HES4: variants seen among roughly 807,000 people sequenced by gnomAD.
HES4 encodes hes family bHLH transcription factor 4, also known as transcription factor HES-4.
HES4 carries 17 observed loss-of-function variants against 10.7 expected under a neutral mutation model. The observed-to-expected ratio is 1.59, with a 90% confidence interval of 1.09 to 2.38. The LOEUF (loss-of-function observed/expected upper bound fraction) is 2.38, where lower values mean the gene tolerates loss of function less well. Ranked by LOEUF, HES4 falls within the 30% of genes most tolerant of loss-of-function variation. The pLI is 0.00. For synonymous variants in HES4, 189 were observed against 159.7 expected (o/e 1.18, Z -1.38); for missense variants, 389 against 332.1 (o/e 1.17, Z -1.33).
At position 999,963 on chromosome 1, in the gene HES4, T is replaced by C; in HGVS notation, c.11A>G (p.Asp4Gly). The C allele has an allele frequency of 5.5e-6, 8 of 1,445,016 alleles. No individual in the cohort carries two copies. The highest frequency in any genetic ancestry group is 7.2e-6 in the Non-Finnish European group (8 of 1,109,424). 89.5% of individuals were successfully genotyped at this position (1,445,016 alleles called of 1,614,324 possible). The change falls in exon 1 of 4, where the codon GAC (aspartate) becomes GGC (glycine). Residue 4 changes from aspartate (D) to glycine (G), a missense_variant. Asp to Gly is a moderately conservative substitution (Grantham distance 94). Coordinates refer to ENST00000304952, the MANE Select transcript of HES4 (RefSeq NM_021170.4). MAA[D>G]TPGKPSASPM... ...CGAGGCGCTCGGTTTCCCCGGCGTG[T>C]CTGCGGCCATGGTGCGCCCCGCGCC...
chr1:999,494 C>T (rs1473628783), intron 3 of HES4, 32 bp downstream of exon 3: 3 of 1,565,210 alleles, frequency 1.9e-6, no homozygotes, highest in Non-Finnish European at 2.6e-6. Context: ...CGCCCTCCCC[C>T]CGCCTCCAAG....
At position 999,060 on chromosome 1, in the gene HES4, C is replaced by G; in HGVS notation, c.665G>C (p.Ter222SerextTer?). The stretch of plus-strand genomic sequence containing the variant: ...CGATGCAGTCTCAGGGCCACAGCCT[C>G]AGCGCAGCCACGGCCTCCAGGGCCC... ...PGGPWRPWLR* is the reference protein window; with the variant it reads ...PGGPWRPWLRS Residue 222 changes from the stop codon to serine, a stop_lost, in exon 4 of 4, where the codon TGA (stop) becomes TCA (serine). Transcript: ENST00000304952. 6.3e-6 allele frequency: 8 copies of G among 1,263,006 alleles called. No individual in the cohort carries two copies. Among genetic ancestry groups the G allele is most frequent in the Non-Finnish European group, 8.0e-6 (8 of 1,002,642 alleles). 78.2% of individuals were successfully genotyped at this position (1,263,006 alleles called of 1,614,324 possible). A position where few individuals can be genotyped will look rare whatever the true frequency, so the allele number is the denominator to read the frequency against.
chr1:999,614 C>G lies in HES4; in HGVS notation c.205-1G>C. On this transcript the variant is annotated splice_acceptor_variant, in intron 2 of 3. Coordinates refer to ENST00000304952, the MANE Select transcript of HES4 (RefSeq NM_021170.4). LOFTEE classifies it high-confidence loss of function. ...TCTCCAGCTTCGAGTGGCGGGAGCTCTGGGGGCGGGGATAGGCGGGAGGTC... is the reference window on the plus strand; with the variant it reads ...TCTCCAGCTTCGAGTGGCGGGAGCTGTGGGGGCGGGGATAGGCGGGAGGTC... 5.0e-6 allele frequency: 8 copies of G among 1,606,884 alleles called. No homozygotes were observed. The highest frequency in any genetic ancestry group is 6.8e-6 in the Non-Finnish European group (8 of 1,177,574).
Position 999,434 on chromosome 1 carries a change from T to C in HES4, c.293-2A>G, listed in dbSNP as rs1290462569. Reference sequence around the variant, plus strand: ...CGGCGGGGTCGGCGCTGAGCGCGGCTGCGGGAGCGACACAGGAGGAGAGGT... The same window carrying C: ...CGGCGGGGTCGGCGCTGAGCGCGGCCGCGGGAGCGACACAGGAGGAGAGGT... On this transcript the variant is annotated splice_acceptor_variant, in intron 3 of 3. Transcript: ENST00000304952. LOFTEE classifies it high-confidence loss of function. 5.3e-6 allele frequency: 8 copies of C among 1,512,684 alleles called. No homozygotes were observed. Among genetic ancestry groups the C allele is most frequent in the Non-Finnish European group, 6.1e-6 (7 of 1,145,320 alleles). The allele number at this position is 1,512,684 out of a possible 1,614,324, so 93.7% of individuals were successfully genotyped here. A position where few individuals can be genotyped will look rare whatever the true frequency, so the allele number is the denominator to read the frequency against.
rs972445502 is a variant in HES4 at position 999,111 on chromosome 1, G to A, written c.614C>T (p.Pro205Leu). ...ACCCGGGCCCTGCGGCCCCGCCCTG[G>A]GGGCGGCGGGCAGCGCCCGGGTCAG... The part of the protein sequence containing the change: ...PGLTRALPAA[P>L]RAGPQGPGGP... Residue 205 changes from proline (P) to leucine (L), a missense_variant, in exon 4 of 4, where the codon CCC becomes CTC. Physicochemically the swap from Pro to Leu is moderately conservative, Grantham distance 98. Transcript: ENST00000304952. The A allele has an allele frequency of 1.3e-5, 16 of 1,216,320 alleles. No homozygotes were observed. The highest frequency in any genetic ancestry group is 1.6e-5 in the African/African-American group (1 of 63,574). 75.3% of individuals were successfully genotyped at this position (1,216,320 alleles called of 1,614,324 possible). A position where few individuals can be genotyped will look rare whatever the true frequency, so the allele number is the denominator to read the frequency against.
rs1024490985 is a variant in HES4 at position 999,243 on chromosome 1, G to A, written c.482C>T (p.Pro161Leu). The change falls in exon 4 of 4, where the codon CCG becomes CTG. Residue 161 changes from proline to leucine, a missense_variant. Coordinates refer to ENST00000304952, the MANE Select transcript of HES4 (RefSeq NM_021170.4). Reference protein sequence around the residue: ...GPSRRPASLSPAAPAEAPAPE... With the variant: ...GPSRRPASLSLAAPAEAPAPE... Reference sequence around the variant, plus strand: ...CGCTGGGGCCTCTGCGGGGGCAGCCGGGGACAGCGAGGCCGGGCGGCGGGA... The same window carrying A: ...CGCTGGGGCCTCTGCGGGGGCAGCCAGGGACAGCGAGGCCGGGCGGCGGGA... 8 of 1,373,152 alleles carry A rather than the reference G, an allele frequency of 5.8e-6. No homozygotes were observed. The highest frequency in any genetic ancestry group is 6.6e-6 in the Non-Finnish European group (7 of 1,068,610). The allele number at this position is 1,373,152 out of a possible 1,614,324, so 85.1% of individuals were successfully genotyped here.
In HES4 at chr1:999,532, C is replaced by CGTCG; in HGVS notation, c.285_286insCGAC (p.Val96ArgfsTer133). The CGTCG allele has an allele frequency of 1.3e-6, 2 of 1,599,858 alleles. No individual in the cohort carries two copies. Among genetic ancestry groups the CGTCG allele is most frequent in the East Asian group, 4.6e-5 (2 of 43,906 alleles). ...GCCGCCGCCCGCGCCTCACCCGTCA[C>CGTCG]CTGCACGCGACGCAGGCTCCGCAGG... On this transcript the variant is annotated frameshift_variant, in exon 3 of 4. Transcript: ENST00000304952. LOFTEE classifies it low-confidence loss of function (END_TRUNC).
rs754902779 is a variant in HES4 at position 1,000,006 on chromosome 1, G to C, written c.-33C>G. The C allele has an allele frequency of 3.0e-6, 4 of 1,338,718 alleles. No homozygotes were observed. Among genetic ancestry groups the C allele is most frequent in the South Asian group, 1.9e-5 (1 of 53,864 alleles). 82.9% of individuals were successfully genotyped at this position (1,338,718 alleles called of 1,614,324 possible). On this transcript the variant is annotated 5_prime_UTR_variant, in exon 1 of 4. Coordinates refer to ENST00000304952, the MANE Select transcript of HES4 (RefSeq NM_021170.4). ...CCCGCGCCTCCCCGTGCCGGGTGGA[G>C]CGCGCCGCCACGGACCACGGGCGGG...
intron 3 of HES4, 21 bp downstream of exon 3, chr1:999,505 C>A: frequency 1.3e-6 from 2 of 1,568,288 alleles, no homozygotes; most frequent in South Asian, 1.2e-5. Context: ...CGCCTCCAAG[C>A]CGCCGCCGCC....
In HES4 at chr1:1,000,017, C is replaced by A; in HGVS notation, c.-44G>T. On this transcript the variant is annotated 5_prime_UTR_variant, in exon 1 of 4. Transcript: ENST00000304952. ...CCGTGCCGGGTGGAGCGCGCCGCCACGGACCACGGGCGGGCTGGCGGGCGA... is the reference window on the plus strand; with the variant it reads ...CCGTGCCGGGTGGAGCGCGCCGCCAAGGACCACGGGCGGGCTGGCGGGCGA... 2 of 1,305,438 alleles carry A rather than the reference C, an allele frequency of 1.5e-6. No homozygotes were observed. The highest frequency in any genetic ancestry group is 2.9e-4 in the Middle Eastern group (1 of 3,432). 80.9% of individuals were successfully genotyped at this position (1,305,438 alleles called of 1,614,324 possible). A position where few individuals can be genotyped will look rare whatever the true frequency, so the allele number is the denominator to read the frequency against.
chr1:999,057 C>A lies in HES4; in HGVS notation c.*2G>T. The stretch of plus-strand genomic sequence containing the variant: ...CTCCGATGCAGTCTCAGGGCCACAG[C>A]CTCAGCGCAGCCACGGCCTCCAGGG... On this transcript the variant is annotated 3_prime_UTR_variant, in exon 4 of 4. Transcript: ENST00000304952. 1 of 1,264,882 alleles carries A rather than the reference C, an allele frequency of 7.9e-7. No individual in the cohort carries two copies. The highest frequency in any genetic ancestry group is 1.0e-6 in the Non-Finnish European group (1 of 1,003,488). The allele number at this position is 1,264,882 out of a possible 1,614,324, so 78.4% of individuals were successfully genotyped here. A position where few individuals can be genotyped will look rare whatever the true frequency, so the allele number is the denominator to read the frequency against.
chr1:999,536 C>G lies in HES4; in HGVS notation c.282G>C (p.Val94=). Residue 94 remains valine, a synonymous_variant, in exon 3 of 4, where the codon GTG becomes GTC. Coordinates refer to ENST00000304952, the MANE Select transcript of HES4 (RefSeq NM_021170.4). The part of the protein sequence containing the change: ...TVRHLRSLRR[V]QVTAALSADP... The stretch of plus-strand genomic sequence containing the variant: ...CCGCCCGCGCCTCACCCGTCACCTG[C>G]ACGCGACGCAGGCTCCGCAGGTGTC... 1 of 1,600,716 alleles carries G rather than the reference C, an allele frequency of 6.2e-7. No individual in the cohort carries two copies. The highest frequency in any genetic ancestry group is 8.5e-7 in the Non-Finnish European group (1 of 1,175,114).
intron 2 of HES4, 30 bp downstream of exon 2, chr1:999,662 C>T: frequency 1.2e-6 from 2 of 1,611,326 alleles, no homozygotes; most frequent in Non-Finnish European, 1.7e-6. Flanking sequence ...GACCCAGACT[C>T]CGGGTCTCGG....
rs570840624 is a variant in HES4, at chr1:999,849, C to T, written c.108+17G>A. 26 of 1,580,890 alleles carry T rather than the reference C, an allele frequency of 1.6e-5. No homozygotes were observed. In the African/African-American group the frequency reaches 2.2e-4, roughly 13 times the overall value. On this transcript the variant is annotated intron_variant, in intron 1 of 3. Coordinates refer to ENST00000304952, the MANE Select transcript of HES4 (RefSeq NM_021170.4). ...CCGCCCCCCGGTCGCCCCCCTCACGCCCGGCCGGGACCCCACCTTGCGGTG... is the reference window on the plus strand; with the variant it reads ...CCGCCCCCCGGTCGCCCCCCTCACGTCCGGCCGGGACCCCACCTTGCGGTG...
At position 999,926 on chromosome 1, in the gene HES4, T is replaced by C. The variant is rs1235660661; in HGVS notation, c.48A>G (p.Gly16=). 3.4e-6 allele frequency: 5 copies of C among 1,463,412 alleles called. No homozygotes were observed. The highest frequency in any genetic ancestry group is 4.5e-6 in the Non-Finnish European group (5 of 1,117,340). The allele number at this position is 1,463,412 out of a possible 1,614,324, so 90.7% of individuals were successfully genotyped here. ...PGKPSASPMA[G]APASASRTPD... ...GGGTCCGGCTGGCGCTGGCCGGCGCTCCTGCCATCGGCGAGGCGCTCGGTT... is the reference window on the plus strand; with the variant it reads ...GGGTCCGGCTGGCGCTGGCCGGCGCCCCTGCCATCGGCGAGGCGCTCGGTT... Residue 16 remains glycine, a synonymous_variant, in exon 1 of 4, where the codon GGA becomes GGG. Transcript: ENST00000304952.
chr1:999,745 T>C lies in HES4; in HGVS notation c.151A>G (p.Asn51Asp). 2 of 1,611,768 alleles carry C rather than the reference T, an allele frequency of 1.2e-6. No individual in the cohort carries two copies. The highest frequency in any genetic ancestry group is 1.7e-6 in the Non-Finnish European group (2 of 1,179,452). ...GTTTTGAGCTGAGCGAGGCTCTCGT[T>C]AATACGCGCTCGGCGCCGCTTCTCC... ...VMEKRRRARI[N>D]ESLAQLKTLI... Residue 51 changes from asparagine to aspartate, a missense_variant, in exon 2 of 4, where the codon AAC becomes GAC. Coordinates refer to ENST00000304952, the MANE Select transcript of HES4 (RefSeq NM_021170.4).
In HES4 at chr1:999,720, G is replaced by A. The variant is rs140184340; in HGVS notation, c.176C>T (p.Thr59Ile). Residue 59 changes from threonine to isoleucine, a missense_variant, in exon 2 of 4, where the codon ACC (threonine) becomes ATC (isoleucine). Transcript: ENST00000304952. ...RINESLAQLK[T>I]LILDALRKES... ...TTTTCTGAGGGCGTCCAGGATGAGG[G>A]TTTTGAGCTGAGCGAGGCTCTCGTT... 1.4e-4 allele frequency: 227 copies of A among 1,611,624 alleles called. No individual in the cohort carries two copies. The highest frequency in any genetic ancestry group is 1.8e-4 in the Non-Finnish European group (215 of 1,179,440).
intron 1 of HES4, 23 bp from the exon 2 acceptor site, chr1:999,810 G>A: frequency 6.2e-7 from 1 of 1,607,582 alleles, no homozygotes; most frequent in Non-Finnish European, 8.5e-7. Context: ...CACCGGCTGA[G>A]TCCCGCGTCC....
rs1644001253 is a variant in HES4, at chr1:999,801, A to C, written c.109-14T>G. The C allele has an allele frequency of 1.2e-6, 2 of 1,609,076 alleles. No individual in the cohort carries two copies. Among genetic ancestry groups the C allele is most frequent in the African/African-American group, 2.7e-5 (2 of 74,414 alleles). On this transcript the variant is annotated splice_polypyrimidine_tract_variant and intron_variant, in intron 1 of 3. Coordinates refer to ENST00000304952, the MANE Select transcript of HES4 (RefSeq NM_021170.4). ...CGGCTTGGAGGACTGCGGGTCGGGC[A>C]CCGGCTGAGTCCCGCGTCCCTCCCG...
Sources: allele counts gnomAD v4.1 joint callset, GRCh38; gene constraint gnomAD v4.1.1; transcripts MANE v1.5; gene names NCBI Gene and HGNC (gene_info 2026-07-23, HGNC 2026-07-21).